ADAMTS4: variants seen among roughly 807,000 people sequenced by gnomAD.
The protein encoded by ADAMTS4 is A disintegrin and metalloproteinase with thrombospondin motifs 4.
In ADAMTS4, 38 loss-of-function variants were observed where a neutral mutation model predicts 66.7. The observed-to-expected ratio is 0.57, with a 90% CI of 0.44 to 0.75. The LOEUF is 0.75. Ranked by LOEUF, ADAMTS4 falls within the 30% of genes least tolerant of loss-of-function variation. The pLI is 0.00. For synonymous variants in ADAMTS4, 418 were observed against 461.5 expected (o/e 0.91, Z 1.21); for missense variants, 1,014 against 1,116.7 (o/e 0.91, Z 1.31).
intron 3 of ADAMTS4, 28 bp from the exon 4 acceptor site, chr1:161,195,663 C>G: frequency 1.3e-6 from 2 of 1,586,440 alleles, no homozygotes; most frequent in Non-Finnish European, 1.7e-6. Flanking sequence ...CTGATAGGAT[C>G]TGAGGGTCCC....
Position 161,198,658 on chromosome 1 carries a change from G to T in ADAMTS4, c.-31C>A. 1 of 1,460,470 alleles carries T rather than the reference G, an allele frequency of 6.8e-7. No individual in the cohort carries two copies. Among genetic ancestry groups the T allele is most frequent in the Non-Finnish European group, 9.1e-7 (1 of 1,102,766 alleles). The allele number at this position is 1,460,470 out of a possible 1,614,324, so 90.5% of individuals were successfully genotyped here. The stretch of plus-strand genomic sequence containing the variant: ...TGGTACTGCAGCTGGGAGGGACTGA[G>T]GCCGTCTAGGGCACCAAGTCCTCCA... On this transcript the variant is annotated 5_prime_UTR_variant, in exon 1 of 9. Coordinates refer to ENST00000367996, the MANE Select transcript of ADAMTS4 (RefSeq NM_005099.6). The surrounding 1 kb of genome is among the most constrained non-coding windows in gnomAD (Gnocchi z 4.7).
Position 161,193,298 on chromosome 1 carries a change from C to T in ADAMTS4, c.1826G>A (p.Arg609His), listed in dbSNP as rs148961956. 1.2e-4 allele frequency: 189 copies of T among 1,613,918 alleles called. No individual in the cohort carries two copies. The highest frequency in any genetic ancestry group is 1.6e-4 in the African/African-American group (12 of 74,884). ...GTCCTGGGGGGCCACGCCTGTGTAG[C>T]GAGGAACCCAGTCCATGGGCCCTGG... Reference protein sequence around the residue: ...SFPGPMDWVPRYTGVAPQDQC... With the variant: ...SFPGPMDWVPHYTGVAPQDQC... The change falls in exon 7 of 9, where the codon CGC becomes CAC. Residue 609 changes from arginine (R) to histidine (H), a missense_variant. Arg to His is a conservative substitution (Grantham distance 29). Coordinates refer to ENST00000367996, the MANE Select transcript of ADAMTS4 (RefSeq NM_005099.6). The surrounding 1 kb of genome is among the most constrained non-coding windows in gnomAD (Gnocchi z 4.4).
Position 161,191,380 on chromosome 1 carries a change from T to C in ADAMTS4, c.2272A>G (p.Ser758Gly), listed in dbSNP as rs145548254. 101 of 1,613,932 alleles carry C rather than the reference T, an allele frequency of 6.3e-5. No homozygotes were observed. Among genetic ancestry groups the C allele is most frequent in the Admixed American group, 2.8e-4 (17 of 60,018 alleles). The stretch of plus-strand genomic sequence containing the variant: ...GCAGTGGCCCCGCTGTAGCGCAAGC[T>C]GACTGCCCCAGGCAGTACCACATCT... ...PTDVVLPGAV[S>G]LRYSGATAAS... Residue 758 changes from serine (S) to glycine (G), a missense_variant, in exon 9 of 9, where the codon AGC (serine) becomes GGC (glycine). Physicochemically the swap from Ser to Gly is moderately conservative, Grantham distance 56. Transcript: ENST00000367996.
intron 8 of ADAMTS4, 140 bp downstream of exon 8, chr1:161,191,925 A>T (rs936539466): frequency 9.3e-7 from 1 of 1,070,684 alleles, no homozygotes; most frequent in African/African-American, 1.6e-5. Flanking sequence ...TACATGGGAA[A>T]CCGCACTGTA....
Position 161,196,249 on chromosome 1 carries a change from C to G in ADAMTS4, c.1012G>C (p.Val338Leu), listed in dbSNP as rs376460245. The change falls in exon 3 of 9, where the codon GTC (valine) becomes CTC (leucine). Residue 338 changes from valine to leucine, a missense_variant. Physicochemically the swap from Val to Leu is conservative, Grantham distance 32 (BLOSUM62 1). Transcript: ENST00000367996. ...DTLGMADVGT[V>L]CDPARSCAIV... Reference sequence around the variant, plus strand: ...GCACAGCTCCGAGCCGGGTCACAGACGGTGCCCACATCAGCCATACCCAGC... The same window carrying G: ...GCACAGCTCCGAGCCGGGTCACAGAGGGTGCCCACATCAGCCATACCCAGC... The G allele has an allele frequency of 1.2e-6, 2 of 1,613,746 alleles. No homozygotes were observed. Among genetic ancestry groups the G allele is most frequent in the South Asian group, 1.1e-5 (1 of 91,046 alleles).
intron 1 of ADAMTS4, 146 bp downstream of exon 1, chr1:161,197,849 G>A: frequency 8.7e-6 from 11 of 1,258,988 alleles, no homozygotes; most frequent in Middle Eastern, 5.5e-4. Flanking sequence ...ACCAAGAAAG[G>A]AGGCTCATGG....
chr1:161,193,155 G>A lies in ADAMTS4; in HGVS notation c.1911+58C>T. The A allele has an allele frequency of 6.5e-7, 1 of 1,532,698 alleles. No individual in the cohort carries two copies. Among genetic ancestry groups the A allele is most frequent in the Non-Finnish European group, 8.8e-7 (1 of 1,133,282 alleles). 94.9% of individuals were successfully genotyped at this position (1,532,698 alleles called of 1,614,324 possible). ...GTGATCTTTGTTATCAGAAAGCAGA[G>A]GGAGCACTGCGGGTGTGTGTGACCA... On this transcript the variant is annotated intron_variant, in intron 7 of 8. Coordinates refer to ENST00000367996, the MANE Select transcript of ADAMTS4 (RefSeq NM_005099.6). This position sits in a 1 kb window ranked among gnomAD's most constrained non-coding sequence, Gnocchi z 4.4.
chr1:161,192,741 T>C (rs1222971980), intron 7 of ADAMTS4, among the ~76,000 whole-genome samples: 1 of 152,164 alleles, frequency 6.6e-6, no homozygotes, highest in Non-Finnish European at 1.5e-5. Flanking sequence ...AAAATGCTGC[T>C]GGGGCTTGTT....
rs1382768787 is a variant in ADAMTS4 at position 161,190,987 on chromosome 1, G to A, written c.*151C>T. 1 of 896,590 alleles carries A rather than the reference G, an allele frequency of 1.1e-6. No homozygotes were observed. The highest frequency in any genetic ancestry group is 1.6e-6 in the Non-Finnish European group (1 of 615,832). 55.5% of individuals were successfully genotyped at this position (896,590 alleles called of 1,614,324 possible). Reference sequence around the variant, plus strand: ...AGGGCAGGAAACCAGGGCAGGGCCAGCCTGCGCATTAGGGCAGAGAGGAGG... The same window carrying A: ...AGGGCAGGAAACCAGGGCAGGGCCAACCTGCGCATTAGGGCAGAGAGGAGG... On this transcript the variant is annotated 3_prime_UTR_variant, in exon 9 of 9. Coordinates refer to ENST00000367996, the MANE Select transcript of ADAMTS4 (RefSeq NM_005099.6).
rs926682566 is a variant in ADAMTS4 at position 161,196,963 on chromosome 1, G to A, written c.634-83C>T. 3.8e-6 allele frequency: 5 copies of A among 1,303,326 alleles called. No individual in the cohort carries two copies. In the African/African-American group the frequency reaches 5.9e-5, roughly 15 times the overall value. The allele number at this position is 1,303,326 out of a possible 1,614,324, so 80.7% of individuals were successfully genotyped here. A position where few individuals can be genotyped will look rare whatever the true frequency, so the allele number is the denominator to read the frequency against. ...TCGATTCTCCAATCCCTCACTTCCTGGGTCTGGAACTCAGCATAGTCAGCT... is the reference window on the plus strand; with the variant it reads ...TCGATTCTCCAATCCCTCACTTCCTAGGTCTGGAACTCAGCATAGTCAGCT... On this transcript the variant is annotated intron_variant, in intron 1 of 8. Transcript: ENST00000367996.
rs1258771708 is a variant in ADAMTS4, at chr1:161,191,079, C to G, written c.*59G>C. ...CATGAGGCAGCAACAGAAGCTCTCT[C>G]TTTCTCCCAGCTAAGTCCGAGGCCC... is the stretch of plus-strand genomic sequence containing the variant. On this transcript the variant is annotated 3_prime_UTR_variant, in exon 9 of 9. Coordinates refer to ENST00000367996, the MANE Select transcript of ADAMTS4 (RefSeq NM_005099.6). The G allele has an allele frequency of 6.0e-6, 9 of 1,495,964 alleles. No homozygotes were observed. The African/African-American group carries it at 1.1e-4, about 19-fold the overall frequency. The allele number at this position is 1,495,964 out of a possible 1,614,324, so 92.7% of individuals were successfully genotyped here.
At position 161,196,444 on chromosome 1, in the gene ADAMTS4, G is replaced by T. The variant is rs750822196; in HGVS notation, c.957+113C>A. ...GTAGCCACACATGGCAGTGTGGCTG[G>T]GGCAAGGCACCATGTCACACAACTC... On this transcript the variant is annotated intron_variant, in intron 2 of 8. Transcript: ENST00000367996. 5 of 1,504,766 alleles carry T rather than the reference G, an allele frequency of 3.3e-6. No individual in the cohort carries two copies. The South Asian group carries it at 6.4e-5, about 19-fold the overall frequency. The allele number at this position is 1,504,766 out of a possible 1,614,324, so 93.2% of individuals were successfully genotyped here.
intron 3 of ADAMTS4, chr1:161,195,896 C>T: frequency 1.8e-6 from 1 of 548,422 alleles, no homozygotes; most frequent in Non-Finnish European, 3.1e-6. Context: ...GTGACCCCAC[C>T]CATTGTCTCT....
Position 161,191,013 on chromosome 1 carries a change from G to T in ADAMTS4, c.*125C>A. 1 of 1,134,172 alleles carries T rather than the reference G, an allele frequency of 8.8e-7. No homozygotes were observed. The highest frequency in any genetic ancestry group is 1.2e-6 in the Non-Finnish European group (1 of 817,640). 70.3% of individuals were successfully genotyped at this position (1,134,172 alleles called of 1,614,324 possible). Reference sequence around the variant, plus strand: ...CCTGCGCATTAGGGCAGAGAGGAGGGGCAGGTCTCACGCCCACAGCCCCTC... The same window carrying T: ...CCTGCGCATTAGGGCAGAGAGGAGGTGCAGGTCTCACGCCCACAGCCCCTC... On this transcript the variant is annotated 3_prime_UTR_variant, in exon 9 of 9. Transcript: ENST00000367996.
In ADAMTS4 at chr1:161,194,265, G is replaced by A; in HGVS notation, c.1262-44C>T. ...CACAAAGTCAGCAACGGGCTGAGGGGAGCATTCAGGATTGCCAGCAGAAAG... is the reference window on the plus strand; with the variant it reads ...CACAAAGTCAGCAACGGGCTGAGGGAAGCATTCAGGATTGCCAGCAGAAAG... On this transcript the variant is annotated intron_variant, in intron 4 of 8. Coordinates refer to ENST00000367996, the MANE Select transcript of ADAMTS4 (RefSeq NM_005099.6). The surrounding 1 kb of genome is among the most constrained non-coding windows in gnomAD (Gnocchi z 4.1). 6 of 1,575,662 alleles carry A rather than the reference G, an allele frequency of 3.8e-6. No individual in the cohort carries two copies. Among genetic ancestry groups the A allele is most frequent in the Non-Finnish European group, 5.2e-6 (6 of 1,154,560 alleles).
chr1:161,194,128 G>T lies in ADAMTS4; in HGVS notation c.1355C>A (p.Thr452Asn). 1 of 1,614,236 alleles carries T rather than the reference G, an allele frequency of 6.2e-7. No homozygotes were observed. The highest frequency in any genetic ancestry group is 8.5e-7 in the Non-Finnish European group (1 of 1,180,034). ...DYDADRQCQL[T>N]FGPDSRHCPQ... ...ACAATGGCGTGAGTCGGGCCCGAAG[G>T]TCAGCTGGCACTGGCGGTCAGCATC... is the stretch of plus-strand genomic sequence containing the variant. Residue 452 changes from threonine (T) to asparagine (N), a missense_variant, in exon 5 of 9, where the codon ACC becomes AAC. Physicochemically the swap from Thr to Asn is moderately conservative, Grantham distance 65. Coordinates refer to ENST00000367996, the MANE Select transcript of ADAMTS4 (RefSeq NM_005099.6). The surrounding 1 kb of genome is among the most constrained non-coding windows in gnomAD (Gnocchi z 4.1).
rs1664672588 is a variant in ADAMTS4 at position 161,191,294 on chromosome 1, T to C, written c.2358A>G (p.Leu786=). ...PLAQPLTLQV[L]VAGNPQDTRL... is the part of the protein sequence containing the mutation. ...GTGTGTCCTGGGGGTTGCCAGCCACTAGGACTTGCAGTGTCAAAGGCTGGG... is the reference window on the plus strand; with the variant it reads ...GTGTGTCCTGGGGGTTGCCAGCCACCAGGACTTGCAGTGTCAAAGGCTGGG... The change falls in exon 9 of 9, where the codon CTA becomes CTG. Residue 786 remains leucine (L), a synonymous_variant. Transcript: ENST00000367996. 6.2e-7 allele frequency: 1 copy of C among 1,613,804 alleles called. No individual in the cohort carries two copies. Among genetic ancestry groups the C allele is most frequent in the South Asian group, 1.1e-5 (1 of 91,094 alleles).
At position 161,191,435 on chromosome 1, in the gene ADAMTS4, A is replaced by T; in HGVS notation, c.2217T>A (p.Asn739Lys). 1 of 1,614,156 alleles carries T rather than the reference A, an allele frequency of 6.2e-7. No individual in the cohort carries two copies. The highest frequency in any genetic ancestry group is 8.5e-7 in the Non-Finnish European group (1 of 1,180,016). The change falls in exon 9 of 9, where the codon AAT becomes AAA. Residue 739 changes from asparagine to lysine, a missense_variant. Coordinates refer to ENST00000367996, the MANE Select transcript of ADAMTS4 (RefSeq NM_005099.6). The part of the protein sequence containing the change: ...LKLPDGSYAL[N>K]GEYTLMPSPT... The stretch of plus-strand genomic sequence containing the variant: ...GGGAGGGCATCAGCGTGTATTCACC[A>T]TTGAGGGCATAGGAGCCATCTGGCA...
rs1664563655 is a variant in ADAMTS4 at position 161,187,431 on chromosome 1, G to A, written c.*3707C>T. The A allele has an allele frequency of 1.3e-5, 2 of 152,138 alleles. No individual in the cohort carries two copies. The highest frequency in any genetic ancestry group is 4.8e-5 in the African/African-American group (2 of 41,392). The allele number at this position is 152,138 out of a possible 1,614,324, so 9.4% of individuals were successfully genotyped here. On this transcript the variant is annotated 3_prime_UTR_variant, in exon 9 of 9. Transcript: ENST00000367996. ...ATCTTCTTCAGCCTGGTTAGTAGGA[G>A]GACCACAGGAAGGGCCAGGGGGCCA...
Sources: gnomAD v4.1 joint callset for allele counts (sites outside exome capture counted in the v4.1 genomes callset) on GRCh38, gnomAD v4.1.1 for gene constraint, Gnocchi (gnomAD v3.1) non-coding constraint, MANE v1.5 for transcripts, NCBI Gene and HGNC (gene_info 2026-07-23, HGNC 2026-07-21) for gene names.